CORIN: variants seen among roughly 807,000 people sequenced by gnomAD.
The protein encoded by CORIN is corin, serine peptidase, also known as atrial natriuretic peptide-converting enzyme.
A neutral mutation model predicts 125.3 loss-of-function variants in CORIN; 117 were observed. The ratio of observed to expected loss-of-function variants is 0.93; its 90% CI spans 0.80 to 1.09. The LOEUF is 1.09. Among genes scored for constraint, CORIN ranks in the 50% least tolerant of loss-of-function variants. The pLI is 0.00. For missense variants in CORIN, 1,253 were observed against 1,306.7 expected (o/e 0.96, Z 0.63); for synonymous variants, 450 against 466.4 (o/e 0.96, Z 0.45).
intron 2 of CORIN, 76 bp from the exon 3 acceptor site, chr4:47,787,001 A>C: frequency 1.0e-6 from 1 of 995,472 alleles, no homozygotes; most frequent in Non-Finnish European, 1.5e-6. Flanking sequence ...AAAAACATTA[A>C]GAAAACTCTA....
rs1036632527 is a variant in CORIN at position 47,664,710 on chromosome 4, T to C, written c.1589+322A>G. Reference sequence around the variant, plus strand: ...GTTGCCAGAAAAAGAGGCAGATATATCCCTTTTATACTATCATACTTTTTT... The same window carrying C: ...GTTGCCAGAAAAAGAGGCAGATATACCCCTTTTATACTATCATACTTTTTT... On this transcript the variant is annotated intron_variant, in intron 11 of 21. Transcript: ENST00000273857. Among the ~76,000 whole-genome samples the C allele has an allele frequency of 5.3e-5, 8 of 152,294 alleles. No individual in the cohort carries two copies. The East Asian group carries it at 1.5e-3, about 29-fold the overall frequency.
At chr4:47,613,905 G>A (rs905413241) in intron 19 of CORIN, among the ~76,000 whole-genome samples, 5 of 151,646 alleles carry the variant, frequency 3.3e-5, no homozygotes, top group East Asian at 1.9e-4. Flanking sequence ...ACATGTACAC[G>A]TACGTAACTA....
rs1726367036 is a variant in CORIN, at chr4:47,702,823, TC to T, written c.800-9741del. Among the ~76,000 whole-genome samples the T allele has an allele frequency of 2.0e-5, 3 of 152,342 alleles. 1 individual carries two copies. The South Asian group carries it at 6.2e-4, about 32-fold the overall frequency. On this transcript the variant is annotated intron_variant, in intron 5 of 21. Transcript: ENST00000273857. Reference sequence around the variant, plus strand: ...CTACCCTAATGTCTAAAAATTCACTTCCAATCCCATGAAGAATGTATTGCAT... The same window carrying T: ...CTACCCTAATGTCTAAAAATTCACTTCAATCCCATGAAGAATGTATTGCAT...
intron 10 of CORIN, among the ~76,000 whole-genome samples, chr4:47,669,960 C>T (rs181712962): frequency 1.3e-5 from 2 of 152,290 alleles, no homozygotes; most frequent in African/African-American, 2.4e-5. Context: ...TCTTTTAAGT[C>T]TCTCGTAGTC....
intron 12 of CORIN, among the ~76,000 whole-genome samples, chr4:47,655,976 A>G (rs1380853287): frequency 2.6e-5 from 4 of 152,080 alleles, no homozygotes; most frequent in African/African-American, 7.2e-5. Context: ...AATACATCCA[A>G]ATTCATTCTA....
intron 1 of CORIN, among the ~76,000 whole-genome samples, chr4:47,808,150 T>C (rs1731877098): frequency 6.6e-6 from 1 of 152,208 alleles, no homozygotes; most frequent in Admixed American, 6.5e-5. Flanking sequence ...CATATTTATG[T>C]TTACAGAAAT....
chr4:47,601,277 T>C (rs1194428967), intron 20 of CORIN, among the ~76,000 whole-genome samples: 1 of 152,124 alleles, frequency 6.6e-6, no homozygotes, highest in Non-Finnish European at 1.5e-5. Context: ...TTGAAAGTTA[T>C]ACAGTCAGAT....
intron 19 of CORIN, among the ~76,000 whole-genome samples, chr4:47,607,257 A>G (rs540806462): frequency 4.6e-5 from 7 of 152,136 alleles, no homozygotes; most frequent in African/African-American, 1.7e-4. Context: ...AAATACAAAA[A>G]ATTAGCCCGG....
At chr4:47,765,930 T>C (rs1445794789) in intron 3 of CORIN, among the ~76,000 whole-genome samples, 2 of 152,216 alleles carry the variant, frequency 1.3e-5, no homozygotes, top group Non-Finnish European at 2.9e-5. Context: ...ACTTTTTCTA[T>C]AGTTTTGTGG....
intron 12 of CORIN, 169 bp downstream of exon 12, chr4:47,661,542 G>A (rs576560838): frequency 4.8e-5 from 27 of 567,372 alleles, no homozygotes; most frequent in Non-Finnish European, 8.2e-5. Context: ...ACAGATGAGT[G>A]CCAAATTCTT....
chr4:47,837,746 G>A (rs1253183231), intron 1 of CORIN, 141 bp downstream of exon 1: 4 of 819,542 alleles, frequency 4.9e-6, no homozygotes, highest in Non-Finnish European at 8.5e-6. Context: ...AACTGTCAGA[G>A]CGGGAGCTCA....
At chr4:47,597,748 A>G (rs1028444137) in intron 21 of CORIN, among the ~76,000 whole-genome samples, 1 of 152,240 alleles carries the variant, frequency 6.6e-6, no homozygotes, top group African/African-American at 2.4e-5. Flanking sequence ...TTAGAATGTC[A>G]GCACATTTTC....
intron 3 of CORIN, among the ~76,000 whole-genome samples, chr4:47,780,516 C>T (rs1730490571): frequency 1.3e-5 from 2 of 151,818 alleles, no homozygotes; most frequent in South Asian, 4.2e-4. Flanking sequence ...AGGAAATAAT[C>T]CCAGAACAGC....
chr4:47,653,735 A>T (rs1723840628), intron 12 of CORIN, 75 bp from the exon 13 acceptor site: 3 of 1,320,246 alleles, frequency 2.3e-6, no homozygotes, highest in Middle Eastern at 2.0e-4. Context: ...TACATGTAGG[A>T]TGTTGTCAAG....
At chr4:47,801,412 C>A (rs918026692) in intron 2 of CORIN, among the ~76,000 whole-genome samples, 1 of 152,184 alleles carries the variant, frequency 6.6e-6, no homozygotes, top group Non-Finnish European at 1.5e-5. Flanking sequence ...TCCCCCACCC[C>A]AAAGGAACAG....
At chr4:47,637,101 T>C (rs976707140) in intron 16 of CORIN, among the ~76,000 whole-genome samples, 1 of 152,206 alleles carries the variant, frequency 6.6e-6, no homozygotes, top group Non-Finnish European at 1.5e-5. Context: ...ACTCTTGTTA[T>C]GTTTTACCAA....
At chr4:47,697,755 G>A (rs1327623016) in intron 5 of CORIN, among the ~76,000 whole-genome samples, 1 of 152,022 alleles carries the variant, frequency 6.6e-6, no homozygotes, top group Non-Finnish European at 1.5e-5. Flanking sequence ...TAAAAAATAA[G>A]AGGAGTGAGA....
At chr4:47,612,013 C>T (rs1056928479) in intron 19 of CORIN, among the ~76,000 whole-genome samples, 2 of 152,036 alleles carry the variant, frequency 1.3e-5, no homozygotes, top group African/African-American at 4.8e-5. Flanking sequence ...GGATATTGGC[C>T]TGAAGTTTTA....
rs765644855 is a variant in CORIN, at chr4:47,665,215, T to C, written c.1406A>G (p.Asn469Ser). The change falls in exon 11 of 22, where the codon AAC becomes AGC. Residue 469 changes from asparagine to serine, a missense_variant. Transcript: ENST00000273857. ...TLELCMNLPYNSTSYPNYFGH... is the reference protein window; with the variant it reads ...TLELCMNLPYSSTSYPNYFGH... ...AAAATAATTTGGATAACTTGTACTG[T>C]TGTAGGGCAAATTCATGCAGAGTTC... 1 of 1,614,020 alleles carries C rather than the reference T, an allele frequency of 6.2e-7. No individual in the cohort carries two copies. The highest frequency in any genetic ancestry group is 8.5e-7 in the Non-Finnish European group (1 of 1,179,902).
Sources: allele counts gnomAD v4.1 joint callset (sites outside exome capture counted in the v4.1 genomes callset), GRCh38; gene constraint gnomAD v4.1.1; transcripts MANE v1.5; gene names NCBI Gene and HGNC (gene_info 2026-07-23, HGNC 2026-07-21).